GRM1: variants seen among roughly 807,000 people sequenced by gnomAD.
GRM1 encodes the protein glutamate metabotropic receptor 1.
Under a neutral mutation model 90.9 loss-of-function variants are expected in GRM1, and 33 were observed. The ratio of observed to expected loss-of-function variants is 0.36; its 90% CI spans 0.28 to 0.49. The LOEUF (loss-of-function observed/expected upper bound fraction) is 0.49. GRM1 is among the 20% of genes least tolerant of loss of function. GRM1 has a pLI of 0.99. For missense variants in GRM1, 1,190 were observed against 1,534.3 expected (o/e 0.78, Z 3.75); for synonymous variants, 700 against 613.2 (o/e 1.14, Z -2.09).
chr6:146,096,758 G>C (rs1184228019), intron 1 of GRM1, among the ~76,000 whole-genome samples: 1 of 152,080 alleles, frequency 6.6e-6, no homozygotes, highest in Middle Eastern at 3.2e-3. Context: ...ACATGCTTGA[G>C]TAATAAGTTT....
chr6:146,040,225 A>C (rs1791047900), intron 1 of GRM1, among the ~76,000 whole-genome samples: 2 of 152,034 alleles, frequency 1.3e-5, no homozygotes, highest in African/African-American at 4.8e-5. Context: ...AACAGTGACA[A>C]AGAAAGCTGA....
chr6:146,203,192 A>AAAATAAATAAATAAATAAAT (rs60263974), intron 2 of GRM1, among the ~76,000 whole-genome samples: 12 of 141,786 alleles, frequency 8.5e-5, no homozygotes, highest in East Asian at 2.1e-4. Flanking sequence ...ACTCCGTCTC[A>AAAATAAATAAATAAATAAAT]AAATAAATAA....
chr6:146,134,554 G>T (rs1281929291), intron 1 of GRM1, among the ~76,000 whole-genome samples: 4 of 152,258 alleles, frequency 2.6e-5, no homozygotes, highest in Non-Finnish European at 2.9e-5. Context: ...TTCACATGGT[G>T]TCAGGAGAGA....
chr6:146,325,317 C>A (rs1469472327), intron 3 of GRM1, among the ~76,000 whole-genome samples: 6 of 152,174 alleles, frequency 3.9e-5, no homozygotes, highest in African/African-American at 1.4e-4. Flanking sequence ...CCAGATCTAT[C>A]CTGAGATAAG....
At chr6:146,070,241 A>C (rs1248372823) in intron 1 of GRM1, among the ~76,000 whole-genome samples, 1 of 152,164 alleles carries the variant, frequency 6.6e-6, no homozygotes, top group Admixed American at 6.6e-5. Flanking sequence ...GTTATTTAAA[A>C]ATATCCAAGA....
chr6:146,300,740 C>A (rs1783348485), intron 2 of GRM1, among the ~76,000 whole-genome samples: 1 of 152,160 alleles, frequency 6.6e-6, no homozygotes, highest in Non-Finnish European at 1.5e-5. Flanking sequence ...CCCAGCACAG[C>A]AGGATTCACT....
rs564842849 is a variant in GRM1 at position 146,181,477 on chromosome 6, T to C, written c.950+21880T>C. 2.6e-5 allele frequency among the ~76,000 whole-genome samples: 4 copies of C among 152,264 alleles called. No homozygotes were observed. The East Asian group carries it at 7.7e-4, about 29-fold the overall frequency. On this transcript the variant is annotated intron_variant, in intron 2 of 7. Transcript: ENST00000282753. ...GAACATTTCAAAAAGAAGATCAAGGTCCTTAACTCCTTATTGTATTGAATA... is the reference window on the plus strand; with the variant it reads ...GAACATTTCAAAAAGAAGATCAAGGCCCTTAACTCCTTATTGTATTGAATA...
At chr6:146,394,617 G>T (rs12527614) in intron 6 of GRM1, among the ~76,000 whole-genome samples, 252 of 152,120 alleles carry the variant, frequency 1.7e-3, no homozygotes, top group Non-Finnish European at 2.9e-3. Flanking sequence ...TTTTCTAGAG[G>T]GTTGGGAATG....
At chr6:146,080,796 G>A (rs1242559301) in intron 1 of GRM1, among the ~76,000 whole-genome samples, 4 of 152,244 alleles carry the variant, frequency 2.6e-5, no homozygotes, top group Non-Finnish European at 4.4e-5. Context: ...GTGGCTGCAC[G>A]TGGTGTCTGG....
intron 1 of GRM1, among the ~76,000 whole-genome samples, chr6:146,087,315 C>T (rs565989990): frequency 3.3e-4 from 50 of 152,210 alleles, no homozygotes; most frequent in African/African-American, 1.2e-3. Flanking sequence ...TCTGCCTGCA[C>T]CTAGTTTTCC....
intron 2 of GRM1, among the ~76,000 whole-genome samples, chr6:146,185,562 A>G (rs980284172): frequency 6.6e-6 from 1 of 152,186 alleles, no homozygotes; most frequent in East Asian, 1.9e-4. Flanking sequence ...AGCTTTCCAC[A>G]TCCACTTTCT....
chr6:146,179,155 A>G (rs112743597), intron 2 of GRM1, among the ~76,000 whole-genome samples: 7 of 152,210 alleles, frequency 4.6e-5, no homozygotes, highest in African/African-American at 1.4e-4. Flanking sequence ...ATTGAAGAAA[A>G]TAAATCAACA....
At chr6:146,243,769 A>C (rs925351966) in intron 2 of GRM1, among the ~76,000 whole-genome samples, 1 of 152,080 alleles carries the variant, frequency 6.6e-6, no homozygotes, top group Non-Finnish European at 1.5e-5. Context: ...GGTCTGACCA[A>C]AATTTATTAG....
intron 1 of GRM1, among the ~76,000 whole-genome samples, chr6:146,079,804 C>T (rs1342042518): frequency 5.3e-5 from 8 of 152,124 alleles, no homozygotes; most frequent in African/African-American, 1.4e-4. Context: ...TAAAGCCAGG[C>T]GTTGTAGAGG....
chr6:146,085,625 A>G (rs981234203), intron 1 of GRM1, among the ~76,000 whole-genome samples: 2 of 152,156 alleles, frequency 1.3e-5, no homozygotes, highest in African/African-American at 4.8e-5. Flanking sequence ...ATCTCTTGAC[A>G]AAAAGAAATA....
At chr6:146,259,040 G>T (rs1246665187) in intron 2 of GRM1, among the ~76,000 whole-genome samples, 2 of 152,156 alleles carry the variant, frequency 1.3e-5, no homozygotes, top group African/African-American at 4.8e-5. Flanking sequence ...GGCTGGCAAA[G>T]ACTTTTCTGT....
At chr6:146,138,453 G>A (rs534813292) in intron 1 of GRM1, among the ~76,000 whole-genome samples, 7 of 152,162 alleles carry the variant, frequency 4.6e-5, no homozygotes, top group African/African-American at 1.7e-4. Context: ...GAGTAGGATG[G>A]GTATTAGTTA....
At chr6:146,324,955 T>G (rs1430205005) in intron 3 of GRM1, among the ~76,000 whole-genome samples, 1 of 152,204 alleles carries the variant, frequency 6.6e-6, no homozygotes, top group East Asian at 1.9e-4. Flanking sequence ...TGAGAAATTT[T>G]TACCAAAGAT....
At chr6:146,358,431 G>T (rs780891596) in intron 5 of GRM1, among the ~76,000 whole-genome samples, 34 of 152,204 alleles carry the variant, frequency 2.2e-4, no homozygotes, top group Non-Finnish European at 4.7e-4. Context: ...GGGAGGGATT[G>T]TGAATGGCAG....
Sources: allele counts gnomAD v4.1 joint callset (sites outside exome capture counted in the v4.1 genomes callset), GRCh38; gene constraint gnomAD v4.1.1; transcripts MANE v1.5; gene names NCBI Gene and HGNC (gene_info 2026-07-23, HGNC 2026-07-21).